Variants in PTPRD observed in about 807,000 individuals in gnomAD.
PTPRD encodes the protein receptor-type tyrosine-protein phosphatase delta.
In PTPRD, 34 loss-of-function variants were observed where a neutral mutation model predicts 214.5. That is an observed-to-expected ratio of 0.16 (90% CI 0.12 to 0.21). The LOEUF is 0.21. Among genes scored for constraint, PTPRD ranks in the 10% least tolerant of loss-of-function variants. PTPRD has a pLI of 1.00. For synonymous variants in PTPRD, 1,128 were observed against 845.7 expected (o/e 1.33, Z -5.79); for missense variants, 2,545 against 2,398.7 (o/e 1.06, Z -1.27).
At chr9:8,331,351 G>A (rs538458071) in intron 44 of PTPRD, among the ~76,000 whole-genome samples, 1 of 152,098 alleles carries the variant, frequency 6.6e-6, no homozygotes, top group East Asian at 1.9e-4. Context: ...TTGTCTAATA[G>A]GAAGCAAATT....
intron 32 of PTPRD, among the ~76,000 whole-genome samples, chr9:8,464,566 C>A (rs988135987): frequency 6.6e-6 from 1 of 151,894 alleles, no homozygotes; most frequent in African/African-American, 2.4e-5. Flanking sequence ...TGAGCTGCTT[C>A]TATATGGGAA....
At chr9:10,177,541 G>A (rs1317455276) in intron 3 of PTPRD, among the ~76,000 whole-genome samples, 1 of 151,762 alleles carries the variant, frequency 6.6e-6, no homozygotes, top group Non-Finnish European at 1.5e-5. Context: ...AGATAGGCGG[G>A]ACAGGAAGAC....
rs188694219 is a variant in PTPRD, at chr9:9,497,923, A to G, written c.-237+76809T>C. Among the ~76,000 whole-genome samples, 99 of 152,270 alleles carry G rather than the reference A, an allele frequency of 6.5e-4. No individual in the cohort carries two copies. The Middle Eastern group carries it at 0.031, about 47-fold the overall frequency. ...TCAGGGCCTCAGTTTTCTCATCTAT[A>G]AACTGTGCAGGTCAATTTAAATGAT... On this transcript the variant is annotated intron_variant, in intron 8 of 45. Transcript: ENST00000381196.
At chr9:10,558,740 C>A (rs988735229) in intron 2 of PTPRD, among the ~76,000 whole-genome samples, 1 of 152,000 alleles carries the variant, frequency 6.6e-6, no homozygotes, top group African/African-American at 2.4e-5. Flanking sequence ...ACAACCTTTA[C>A]AAGTGTTTGA....
chr9:9,386,448 C>T (rs186776177), intron 9 of PTPRD, among the ~76,000 whole-genome samples: 1 of 151,486 alleles, frequency 6.6e-6, no homozygotes, highest in Non-Finnish European at 1.5e-5. Flanking sequence ...CCCGGTAAAA[C>T]GAATGGTGGT....
chr9:8,663,283 C>CTTTT (rs561882911), intron 12 of PTPRD, among the ~76,000 whole-genome samples: 1 of 137,232 alleles, frequency 7.3e-6, no homozygotes, highest in African/African-American at 2.7e-5. Context: ...AGATAATTGG[C>CTTTT]TTTTTTTTTT....
intron 11 of PTPRD, among the ~76,000 whole-genome samples, chr9:8,949,091 G>C (rs548538154): frequency 6.6e-6 from 1 of 151,658 alleles, no homozygotes; most frequent in Non-Finnish European, 1.5e-5. Context: ...GGGTGTAGTG[G>C]CGGGCACCTG....
intron 39 of PTPRD, among the ~76,000 whole-genome samples, chr9:8,374,683 A>C (rs2082693003): frequency 6.6e-6 from 1 of 152,080 alleles, no homozygotes; most frequent in African/African-American, 2.4e-5. Flanking sequence ...AACATCAAAC[A>C]AAATAAAGCA....
chr9:9,257,608 A>T (rs1418003139), intron 9 of PTPRD, among the ~76,000 whole-genome samples: 1 of 151,996 alleles, frequency 6.6e-6, no homozygotes, highest in East Asian at 1.9e-4. Context: ...ACTGGGCAGC[A>T]TAGTGAGACC....
chr9:9,320,756 A>G (rs547846000), intron 9 of PTPRD, among the ~76,000 whole-genome samples: 227 of 152,152 alleles, frequency 1.5e-3, no homozygotes, highest in Middle Eastern at 3.2e-3. Flanking sequence ...GGGATAACAC[A>G]TTATTTGGCT....
At chr9:8,705,835 T>G (rs2098194552) in intron 12 of PTPRD, among the ~76,000 whole-genome samples, 1 of 152,234 alleles carries the variant, frequency 6.6e-6, no homozygotes, top group African/African-American at 2.4e-5. Flanking sequence ...AGGTGTTTCT[T>G]TTGGTAATAG....
At chr9:10,350,385 T>G (rs2097161641) in intron 2 of PTPRD, among the ~76,000 whole-genome samples, 1 of 152,122 alleles carries the variant, frequency 6.6e-6, no homozygotes, top group Non-Finnish European at 1.5e-5. Flanking sequence ...ATTTATTTGA[T>G]ATAATATACT....
chr9:8,811,785 G>A (rs1467217961), intron 11 of PTPRD, among the ~76,000 whole-genome samples: 1 of 152,176 alleles, frequency 6.6e-6, no homozygotes, highest in Non-Finnish European at 1.5e-5. Context: ...TGCTGTTACT[G>A]AAACTGGATT....
chr9:9,698,116 C>G (rs1331340439), intron 7 of PTPRD, among the ~76,000 whole-genome samples: 2 of 152,154 alleles, frequency 1.3e-5, no homozygotes, highest in Non-Finnish European at 2.9e-5. Flanking sequence ...GAGAGCTCTT[C>G]TATCACCATC....
chr9:10,191,504 C>T (rs2099363425), intron 3 of PTPRD, among the ~76,000 whole-genome samples: 1 of 152,010 alleles, frequency 6.6e-6, no homozygotes, highest in Non-Finnish European at 1.5e-5. Flanking sequence ...GGAAAAAATG[C>T]CTGCAATTTC....
chr9:10,328,539 CA>C, intron 3 of PTPRD, among the ~76,000 whole-genome samples: 1 of 151,786 alleles, frequency 6.6e-6, no homozygotes, highest in Non-Finnish European at 1.5e-5. Context: ...CATGGAGAAA[CA>C]AAGTCACTTT....
At chr9:8,837,410 G>A (rs1193064598) in intron 11 of PTPRD, among the ~76,000 whole-genome samples, 1 of 152,166 alleles carries the variant, frequency 6.6e-6, no homozygotes, top group Non-Finnish European at 1.5e-5. Flanking sequence ...ATTGAGACAA[G>A]ATTTTGGAAT....
At chr9:10,030,308 T>TG (rs55741712) in intron 4 of PTPRD, among the ~76,000 whole-genome samples, 51,321 of 152,022 alleles carry the variant, frequency 0.34, 9,157 homozygotes, top group East Asian at 0.62. Flanking sequence ...ACTGGGTAGA[T>TG]ACCCTTTAAT....
intron 4 of PTPRD, among the ~76,000 whole-genome samples, chr9:10,002,230 G>A (rs1417318932): frequency 6.7e-6 from 1 of 148,214 alleles, no homozygotes; most frequent in African/African-American, 2.5e-5. Flanking sequence ...ACAAAAAAGA[G>A]CAATATTAAA....
Sources: allele counts gnomAD v4.1 joint callset (sites outside exome capture counted in the v4.1 genomes callset), GRCh38; gene constraint gnomAD v4.1.1; transcripts MANE v1.5; gene names NCBI Gene and HGNC (gene_info 2026-07-23, HGNC 2026-07-21).